CDKAL1: variants seen among roughly 807,000 people sequenced by gnomAD.
The protein encoded by CDKAL1 is CDKAL1 threonylcarbamoyladenosine tRNA methylthiotransferase, also known as threonylcarbamoyladenosine tRNA methylthiotransferase.
In CDKAL1, 32 loss-of-function variants were observed where a neutral mutation model predicts 68.2. That is an observed-to-expected ratio of 0.47 (90% CI 0.35 to 0.63). CDKAL1 has a LOEUF of 0.63. CDKAL1 is among the 30% of genes least tolerant of loss of function. The probability of loss-of-function intolerance (pLI) is 0.00; values close to 1 mark genes in which losing one functional copy is unlikely to be tolerated. For missense variants in CDKAL1, 606 were observed against 696.7 expected, an observed-to-expected ratio of 0.87 and a Z score of 1.47; for synonymous variants, 234 against 244.3, an observed-to-expected ratio of 0.96 and a Z score of 0.39.
At chr6:21,142,949 C>G (rs1305728183) in intron 13 of CDKAL1, among the ~76,000 whole-genome samples, 5 of 152,126 alleles carry the variant, frequency 3.3e-5, no homozygotes, top group Non-Finnish European at 7.4e-5. Context: ...TACAAGAGTT[C>G]TAACTAGTGT....
intron 9 of CDKAL1, among the ~76,000 whole-genome samples, chr6:20,913,852 G>A (rs1031412682): frequency 1.3e-5 from 2 of 152,266 alleles, no homozygotes; most frequent in Non-Finnish European, 2.9e-5. Flanking sequence ...TTAGCTGTGG[G>A]TGGTGGCACA....
chr6:20,954,018 A>C (rs1254147458), intron 9 of CDKAL1, among the ~76,000 whole-genome samples: 1 of 152,160 alleles, frequency 6.6e-6, no homozygotes, highest in African/African-American at 2.4e-5. Context: ...TCTTATTTCT[A>C]TCCTTGTATT....
Position 20,649,356 on chromosome 6 carries a change from A to C in CDKAL1, c.350A>C (p.Asp117Ala). The C allele has an allele frequency of 6.2e-7, 1 of 1,600,338 alleles. No homozygotes were observed. Among genetic ancestry groups the C allele is most frequent in the South Asian group, 1.1e-5 (1 of 88,980 alleles). The change falls in exon 5 of 16, where the codon GAC (aspartate) becomes GCC (alanine). Residue 117 changes from aspartate (D) to alanine (A), a missense_variant. By Grantham distance (126) the Asp-to-Ala change is moderately radical. Coordinates refer to ENST00000274695, the MANE Select transcript of CDKAL1 (RefSeq NM_017774.3). ...TGCACTGTAAAAAACCCAGCTGAAG[A>C]CCACTTTAGAAACTCAATTAAGTAA... is the stretch of plus-strand genomic sequence containing the variant. ...NSCTVKNPAE[D>A]HFRNSIKKAQ...
chr6:20,805,473 A>G (rs888928587), intron 8 of CDKAL1, among the ~76,000 whole-genome samples: 2 of 152,234 alleles, frequency 1.3e-5, no homozygotes, highest in Admixed American at 6.5e-5. Flanking sequence ...ATCATGCCAA[A>G]ATAAAAGCAT....
At chr6:21,083,173 T>A (rs1772503831) in intron 12 of CDKAL1, among the ~76,000 whole-genome samples, 1 of 152,214 alleles carries the variant, frequency 6.6e-6, no homozygotes, top group African/African-American at 2.4e-5. Context: ...GTCTCATTTA[T>A]GTTTCATATA....
At chr6:20,568,422 A>C (rs1249550295) in intron 4 of CDKAL1, among the ~76,000 whole-genome samples, 1 of 152,018 alleles carries the variant, frequency 6.6e-6, no homozygotes, top group Non-Finnish European at 1.5e-5. Context: ...TTACTTTGTA[A>C]GGTAAATAAA....
intron 4 of CDKAL1, among the ~76,000 whole-genome samples, chr6:20,593,624 C>T (rs2127703402): frequency 6.7e-6 from 1 of 150,072 alleles, no homozygotes; most frequent in Non-Finnish European, 1.5e-5. Flanking sequence ...AAAAAGAAAC[C>T]CAGCTCCTGG....
At chr6:20,652,876 G>A (rs530987489) in intron 5 of CDKAL1, among the ~76,000 whole-genome samples, 1 of 152,248 alleles carries the variant, frequency 6.6e-6, no homozygotes, top group Non-Finnish European at 1.5e-5. Flanking sequence ...CTCCCAAGAA[G>A]TAACCTTTAT....
intron 4 of CDKAL1, among the ~76,000 whole-genome samples, chr6:20,617,419 AT>A (rs201777591): frequency 1.3e-5 from 2 of 151,724 alleles, no homozygotes; most frequent in Non-Finnish European, 2.9e-5. Flanking sequence ...GCTTAAAACT[AT>A]TTTTTTTTAA....
intron 5 of CDKAL1, among the ~76,000 whole-genome samples, chr6:20,659,017 A>AG (rs1769162594): frequency 6.6e-6 from 1 of 151,890 alleles, no homozygotes; most frequent in African/African-American, 2.4e-5. Context: ...TTTAGTAGAG[A>AG]GGGGGTCTTG....
At chr6:20,535,958 G>T (rs941949493) in intron 2 of CDKAL1, among the ~76,000 whole-genome samples, 7 of 152,130 alleles carry the variant, frequency 4.6e-5, no homozygotes, top group Non-Finnish European at 4.4e-5. Flanking sequence ...TTGAGACACG[G>T]CTTCCCTATG....
At chr6:20,665,830 G>A (rs1562009113) in intron 5 of CDKAL1, among the ~76,000 whole-genome samples, 2 of 152,004 alleles carry the variant, frequency 1.3e-5, no homozygotes, top group Admixed American at 1.3e-4. Flanking sequence ...TTACGTATAT[G>A]CATGTTAAGT....
intron 12 of CDKAL1, among the ~76,000 whole-genome samples, chr6:21,080,554 G>A (rs1030488770): frequency 6.6e-6 from 1 of 152,144 alleles, no homozygotes; most frequent in Non-Finnish European, 1.5e-5. Context: ...ATTCCTCTCA[G>A]TCAGAATCAT....
Position 20,992,031 on chromosome 6 carries a change from C to CT in CDKAL1, c.910-8174dup, listed in dbSNP as rs71530401. On this transcript the variant is annotated intron_variant, in intron 10 of 15. Coordinates refer to ENST00000274695, the MANE Select transcript of CDKAL1 (RefSeq NM_017774.3). ...TTTCCCCCACCTTTTTTTTTCTTTT[C>CT]TTTTTTTTTTTTTTTTTTTTTTGAG... 6.0e-3 allele frequency among the ~76,000 whole-genome samples: 606 copies of CT among 100,380 alleles called. 11 individuals carry two copies. Among genetic ancestry groups the CT allele is most frequent in the African/African-American group, 0.01 (247 of 23,530 alleles). 65.9% of individuals were successfully genotyped at this position (100,380 alleles called of 152,430 possible).
intron 8 of CDKAL1, among the ~76,000 whole-genome samples, chr6:20,845,399 C>T (rs1778339947): frequency 6.6e-6 from 1 of 151,882 alleles, no homozygotes; most frequent in Non-Finnish European, 1.5e-5. Context: ...TTTAAAAAGA[C>T]AATTCTATAT....
At chr6:20,713,833 G>T (rs1390417075) in intron 5 of CDKAL1, among the ~76,000 whole-genome samples, 2 of 152,034 alleles carry the variant, frequency 1.3e-5, no homozygotes, top group East Asian at 3.9e-4. Context: ...AGATAAATGT[G>T]TATGAAAAAT....
At chr6:21,083,617 A>T (rs575178857) in intron 12 of CDKAL1, among the ~76,000 whole-genome samples, 2 of 152,330 alleles carry the variant, frequency 1.3e-5, no homozygotes, top group South Asian at 2.1e-4. Flanking sequence ...ACATTGACAC[A>T]GTGCTTTAAT....
chr6:21,105,809 TCA>T (rs1321309370), intron 12 of CDKAL1, among the ~76,000 whole-genome samples: 1 of 152,192 alleles, frequency 6.6e-6, no homozygotes, highest in African/African-American at 2.4e-5. Context: ...ACCACCTGTG[TCA>T]CAGAATTTTA....
intron 12 of CDKAL1, among the ~76,000 whole-genome samples, chr6:21,098,832 G>T (rs1374170577): frequency 1.3e-5 from 2 of 152,098 alleles, no homozygotes; most frequent in African/African-American, 4.8e-5. Context: ...GCATTAGCAA[G>T]ATGTAGAGTC....
Sources: allele counts gnomAD v4.1 joint callset (sites outside exome capture counted in the v4.1 genomes callset), GRCh38; gene constraint gnomAD v4.1.1; transcripts MANE v1.5; gene names NCBI Gene and HGNC (gene_info 2026-07-23, HGNC 2026-07-21).